TC2N: variants seen among roughly 807,000 people sequenced by gnomAD.
The protein encoded by TC2N is tandem C2 domains nuclear protein.
A neutral mutation model predicts 61.9 loss-of-function variants in TC2N; 51 were observed. The observed-to-expected ratio is 0.82, with a 90% CI of 0.66 to 1.04. The LOEUF is 1.04. Among genes scored for constraint, TC2N ranks in the 50% least tolerant of loss-of-function variants. The probability of loss-of-function intolerance (pLI) is 0.00; values close to 1 mark genes in which losing one functional copy is unlikely to be tolerated. For synonymous variants in TC2N, 204 were observed against 192.6 expected (o/e 1.06, Z -0.49); for missense variants, 556 against 566.7 (o/e 0.98, Z 0.19).
At chr14:91,828,300 A>G (rs183260030) in intron 1 of TC2N, among the ~76,000 whole-genome samples, 3 of 152,214 alleles carry the variant, frequency 2.0e-5, no homozygotes, top group Admixed American at 2.0e-4. Context: ...TCATAGTCAA[A>G]CTTTTTTCCA....
chr14:91,813,860 G>A (rs1026107205), intron 1 of TC2N, 35 bp from the exon 2 acceptor site: 1 of 840,224 alleles, frequency 1.2e-6, no homozygotes, highest in Non-Finnish European at 2.0e-6. Context: ...TAACCTGCTT[G>A]TCATGCTTAA....
At chr14:91,793,169 A>G (rs1566762823) in intron 8 of TC2N, among the ~76,000 whole-genome samples, 1 of 152,238 alleles carries the variant, frequency 6.6e-6, no homozygotes, top group Non-Finnish European at 1.5e-5. Flanking sequence ...CATCTCAGTC[A>G]GCAAGTCACT....
intron 1 of TC2N, among the ~76,000 whole-genome samples, chr14:91,858,114 C>T (rs10467747): frequency 0.7 from 105,414 of 150,026 alleles, 39,366 homozygotes; most frequent in Non-Finnish European, 0.82. Context: ...CACAGGCATG[C>T]ACCACTATGC....
intron 1 of TC2N, among the ~76,000 whole-genome samples, chr14:91,825,085 G>GAGTGC (rs1008204200): frequency 1.5e-4 from 20 of 129,578 alleles, no homozygotes; most frequent in Non-Finnish European, 2.3e-4. Context: ...ATCCAGGCTG[G>GAGTGC]AGTGCAGTGG....
chr14:91,809,381 C>T (rs1471501319), intron 3 of TC2N, among the ~76,000 whole-genome samples: 1 of 152,032 alleles, frequency 6.6e-6, no homozygotes, highest in Non-Finnish European at 1.5e-5. Context: ...GCACTCCAGC[C>T]TGGGCAACAG....
chr14:91,844,932 ATAAG>A (rs1888240760), intron 1 of TC2N, among the ~76,000 whole-genome samples: 1 of 152,086 alleles, frequency 6.6e-6, no homozygotes, highest in Non-Finnish European at 1.5e-5. Context: ...AATGGTCCAT[ATAAG>A]TAAGTGTGTA....
In TC2N at chr14:91,787,548, C is replaced by T. The variant is rs747458553; in HGVS notation, c.1127G>A (p.Arg376Gln). ...SRIQLQILEARYLPSSSTPLT... is the reference protein window; with the variant it reads ...SRIQLQILEAQYLPSSSTPLT... ...AGGTGTTGATGAGCTTGGAAGGTAC[C>T]GTGCCTCAAGAATTTGTAACTGAAT... The change falls in exon 10 of 12, where the codon CGG becomes CAG. Residue 376 changes from arginine to glutamine, a missense_variant. By Grantham distance (43) the Arg-to-Gln change is conservative. Transcript: ENST00000435962. 1.8e-5 allele frequency: 29 copies of T among 1,612,416 alleles called. No homozygotes were observed. Among genetic ancestry groups the T allele is most frequent in the African/African-American group, 1.3e-5 (1 of 74,818 alleles).
At chr14:91,792,588 A>G (rs1885715803) in intron 8 of TC2N, 30 bp from the exon 9 acceptor site, 1 of 1,199,028 alleles carries the variant, frequency 8.3e-7, no homozygotes, top group Non-Finnish European at 1.1e-6. Flanking sequence ...AACATAAAAT[A>G]TATAAATAAA....
rs759568820 is a variant in TC2N, at chr14:91,802,261, A to G, written c.462T>C (p.Tyr154=). Residue 154 remains tyrosine, a synonymous_variant, in exon 4 of 12, where the codon TAT becomes TAC. Coordinates refer to ENST00000435962, the MANE Select transcript of TC2N (RefSeq NM_001128596.3). ...FPPRSEVKRL[Y]GSVCDLRTNK... Reference sequence around the variant, plus strand: ...CACAAAAGATCTTCATACCCGATCCATACAGTCTCTTCACTTCTGAACGGG... The same window carrying G: ...CACAAAAGATCTTCATACCCGATCCGTACAGTCTCTTCACTTCTGAACGGG... 2.2e-5 allele frequency: 35 copies of G among 1,580,474 alleles called. No individual in the cohort carries two copies. Among genetic ancestry groups the G allele is most frequent in the Non-Finnish European group, 2.8e-5 (33 of 1,168,200 alleles).
chr14:91,823,439 G>A (rs1887348525), intron 1 of TC2N, among the ~76,000 whole-genome samples: 2 of 151,416 alleles, frequency 1.3e-5, no homozygotes, highest in Non-Finnish European at 2.9e-5. Context: ...AGAACCACTT[G>A]AACCCGGGAG....
At chr14:91,802,484 G>T in intron 3 of TC2N, 63 bp from the exon 4 acceptor site, 1 of 1,485,382 alleles carries the variant, frequency 6.7e-7, no homozygotes, top group Non-Finnish European at 9.2e-7. Context: ...GCCAACAGCT[G>T]GTACACCCAG....
At chr14:91,823,701 C>T (rs1887367044) in intron 1 of TC2N, among the ~76,000 whole-genome samples, 1 of 151,976 alleles carries the variant, frequency 6.6e-6, no homozygotes, top group Admixed American at 6.6e-5. Flanking sequence ...CAGGACCAGT[C>T]AGGTTAACAG....
At chr14:91,857,255 T>C (rs918832753) in intron 1 of TC2N, among the ~76,000 whole-genome samples, 2 of 152,256 alleles carry the variant, frequency 1.3e-5, no homozygotes, top group African/African-American at 2.4e-5. Flanking sequence ...CATAGTGTAT[T>C]TCCAGAGGGA....
chr14:91,854,470 A>G, intron 1 of TC2N, among the ~76,000 whole-genome samples: 1 of 104,366 alleles, frequency 9.6e-6, no homozygotes. Flanking sequence ...GAGGGGAAGG[A>G]GGAGGAGATA....
intron 11 of TC2N, 82 bp from the exon 12 acceptor site, chr14:91,783,292 G>T: frequency 2.8e-6 from 2 of 715,768 alleles, no homozygotes; most frequent in Non-Finnish European, 2.3e-6. Context: ...TCTTACTGAT[G>T]GAAGAAATTT....
chr14:91,785,402 AATACC>A, intron 10 of TC2N, 41 bp from the exon 11 acceptor site: 1 of 1,497,234 alleles, frequency 6.7e-7, no homozygotes, highest in East Asian at 2.3e-5. Context: ...TGTTATTCAA[AATACC>A]ATATAAAGAT....
chr14:91,800,249 C>T, intron 5 of TC2N, 32 bp downstream of exon 5: 2 of 1,309,114 alleles, frequency 1.5e-6, no homozygotes, highest in Middle Eastern at 1.8e-4. Flanking sequence ...AGGAAATTAT[C>T]ACATATAATT....
In TC2N at chr14:91,865,335, G is replaced by GC. The variant is rs541933187; in HGVS notation, c.-57+1926dup. 3.2e-3 allele frequency among the ~76,000 whole-genome samples: 474 copies of GC among 147,694 alleles called. 1 individual carries two copies. Among genetic ancestry groups the GC allele is most frequent in the African/African-American group, 0.012 (462 of 39,836 alleles). On this transcript the variant is annotated intron_variant, in intron 1 of 11. Coordinates refer to ENST00000435962, the MANE Select transcript of TC2N (RefSeq NM_001128596.3). ...AAAAGCTACCAAAGTGATAAATTTT[G>GC]CCTCTGTGCACTCCTTTGTCTTGGA... is the stretch of plus-strand genomic sequence containing the variant.
At chr14:91,799,351 A>C (rs1009444775) in intron 5 of TC2N, among the ~76,000 whole-genome samples, 4 of 152,088 alleles carry the variant, frequency 2.6e-5, no homozygotes, top group African/African-American at 9.7e-5. Context: ...TTCATACCTG[A>C]GAGTATTAAC....
Sources: gnomAD v4.1 joint callset for allele counts (sites outside exome capture counted in the v4.1 genomes callset) on GRCh38, gnomAD v4.1.1 for gene constraint, MANE v1.5 for transcripts, NCBI Gene and HGNC (gene_info 2026-07-23, HGNC 2026-07-21) for gene names.